The following SRGAP2C variants were observed in gnomAD, a reference collection of about 807,000 sequenced individuals.
The protein encoded by SRGAP2C is SLIT-ROBO Rho GTPase activating protein 2C, also known as SLIT-ROBO Rho GTPase-activating protein 2C.
A neutral mutation model predicts 25.1 loss-of-function variants in SRGAP2C; 15 were observed. The ratio of observed to expected loss-of-function variants is 0.60; its 90% confidence interval spans 0.40 to 0.92. SRGAP2C has a LOEUF of 0.92. Ranked by LOEUF, SRGAP2C falls within the 40% of genes least tolerant of loss-of-function variation. SRGAP2C has a pLI of 0.00. For synonymous variants in SRGAP2C, 44 were observed against 96.6 expected, an observed-to-expected ratio of 0.46 and a Z score of 3.19; for missense variants, 144 against 264.4, an observed-to-expected ratio of 0.54 and a Z score of 3.16.
rs1162529225 is a variant in SRGAP2C at position 121,230,920 on chromosome 1, C to G, written c.67+43407C>G. Among the ~76,000 whole-genome samples, 11 of 148,324 alleles carry G rather than the reference C, an allele frequency of 7.4e-5. No homozygotes were observed. The East Asian group carries it at 1.4e-3, about 19-fold the overall frequency. ...TGAAGCTGGAAACCATTATTCTCAG[C>G]AAACTAACACAGGAACAGAAAACCA... On this transcript the variant is annotated intron_variant, in intron 2 of 9. Transcript: ENST00000367123.
chr1:121,298,495 G>T (rs1487645540), intron 3 of SRGAP2C, among the ~76,000 whole-genome samples: 1 of 91,700 alleles, frequency 1.1e-5, no homozygotes, highest in Non-Finnish European at 2.1e-5. Flanking sequence ...AACAGTATGT[G>T]GTTTACTGGG....
intron 2 of SRGAP2C, among the ~76,000 whole-genome samples, chr1:121,272,372 G>A (rs1290506744): frequency 7.3e-5 from 11 of 151,596 alleles, no homozygotes; most frequent in African/African-American, 2.7e-4. Flanking sequence ...GGTGGAGCTG[G>A]CATTTTGAGC....
At chr1:121,191,916 A>G (rs1377004465) in intron 2 of SRGAP2C, among the ~76,000 whole-genome samples, 4 of 134,744 alleles carry the variant, frequency 3.0e-5, no homozygotes, top group Non-Finnish European at 1.5e-5. Flanking sequence ...TTTTTTTTTA[A>G]TGTCTTAAGA....
At chr1:121,237,589 GA>G (rs1570727947) in intron 2 of SRGAP2C, among the ~76,000 whole-genome samples, 1 of 151,706 alleles carries the variant, frequency 6.6e-6, no homozygotes, top group East Asian at 2.0e-4. Context: ...TCCAACACCA[GA>G]AGCTTTTAGA....
intron 3 of SRGAP2C, among the ~76,000 whole-genome samples, chr1:121,322,927 A>C (rs1242462689): frequency 1.3e-5 from 2 of 152,108 alleles, no homozygotes; most frequent in African/African-American, 4.8e-5. Flanking sequence ...CGGGGAAGAG[A>C]GGAAAGGGGG....
rs1262247275 is a variant in SRGAP2C, at chr1:121,288,729, A to G, written c.260+3734A>G. Among the ~76,000 whole-genome samples the G allele has an allele frequency of 8.5e-4, 41 of 48,464 alleles. 2 individuals are homozygous for G. The highest frequency in any genetic ancestry group is 2.0e-3 in the African/African-American group (25 of 12,654). The allele number at this position is 48,464 out of a possible 152,430, so 31.8% of individuals were successfully genotyped here. On this transcript the variant is annotated intron_variant, in intron 3 of 9. Transcript: ENST00000367123. ...TGAGCTAGACATAAAGGTTCTCCAC[A>G]TCCTCACCAGAGCAGCTAGATACAG...
At chr1:121,269,882 A>T (rs1448182138) in intron 2 of SRGAP2C, among the ~76,000 whole-genome samples, 4 of 150,432 alleles carry the variant, frequency 2.7e-5, no homozygotes, top group Non-Finnish European at 5.9e-5. Context: ...TGGAAGAATT[A>T]GGTAATTCGT....
chr1:121,190,160 A>G (rs1553319554), intron 2 of SRGAP2C, among the ~76,000 whole-genome samples: 1 of 152,178 alleles, frequency 6.6e-6, no homozygotes, highest in African/African-American at 2.4e-5. Flanking sequence ...TCTGCCTCCC[A>G]CTAGCTAGAA....
chr1:121,192,058 G>T (rs1654697110), intron 2 of SRGAP2C, among the ~76,000 whole-genome samples: 1 of 151,906 alleles, frequency 6.6e-6, no homozygotes, highest in Non-Finnish European at 1.5e-5. Context: ...AGCAGGAGAT[G>T]AAATTTAAAA....
chr1:121,299,818 G>T (rs1379316975), intron 3 of SRGAP2C, among the ~76,000 whole-genome samples: 3 of 144,674 alleles, frequency 2.1e-5, no homozygotes, highest in Non-Finnish European at 3.0e-5. Flanking sequence ...TTTATAGGCA[G>T]CATCTCAGGG....
chr1:121,375,277 T>C (rs1659613247), intron 7 of SRGAP2C, among the ~76,000 whole-genome samples: 1 of 135,322 alleles, frequency 7.4e-6, no homozygotes, highest in African/African-American at 2.8e-5. Context: ...CCCAGGCTCA[T>C]AACCACTACA....
rs1372875320 is a variant in SRGAP2C at position 121,286,362 on chromosome 1, T to C, written c.260+1367T>C. On this transcript the variant is annotated intron_variant, in intron 3 of 9. Transcript: ENST00000367123. ...CTTGGGCTCTAGTGATCCTCCTGCC[T>C]CAGCCTACCTCCTGAGTAGCTGGGA... Among the ~76,000 whole-genome samples the C allele has an allele frequency of 2.9e-3, 433 of 149,234 alleles. 1 individual carries two copies. Among genetic ancestry groups the C allele is most frequent in the African/African-American group, 0.01 (418 of 40,378 alleles).
At chr1:121,216,365 T>A (rs1465368942) in intron 2 of SRGAP2C, among the ~76,000 whole-genome samples, 6 of 152,166 alleles carry the variant, frequency 3.9e-5, no homozygotes, top group Admixed American at 2.6e-4. Flanking sequence ...TTATTCGTTT[T>A]TGTGCCCCAA....
chr1:121,348,640 C>A (rs1553344782), intron 4 of SRGAP2C, among the ~76,000 whole-genome samples: 1 of 149,930 alleles, frequency 6.7e-6, no homozygotes, highest in Non-Finnish European at 1.5e-5. Context: ...TTCCCCCTGT[C>A]TTTGCTCTGT....
chr1:121,271,660 TA>T (rs1295323278), intron 2 of SRGAP2C, among the ~76,000 whole-genome samples: 21 of 95,024 alleles, frequency 2.2e-4, no homozygotes, highest in African/African-American at 8.7e-4. Flanking sequence ...AACCAGCATT[TA>T]AAAAGTTATA....
At chr1:121,310,322 T>G (rs1167683742) in intron 3 of SRGAP2C, among the ~76,000 whole-genome samples, 2 of 102,800 alleles carry the variant, frequency 1.9e-5, no homozygotes, top group African/African-American at 8.6e-5. Context: ...TTCTGGATAT[T>G]AGCCCTTTGT....
rs1478045136 is a variant in SRGAP2C at position 121,389,297 on chromosome 1, CATT to C, written c.*1444_*1446del. Reference sequence around the variant, plus strand: ...GCTAAAAATTTATCTTCACCATCATCATTAATTTATTTATTAATCATTATTAAA... The same window carrying C: ...GCTAAAAATTTATCTTCACCATCATCAATTTATTTATTAATCATTATTAAA... On this transcript the variant is annotated 3_prime_UTR_variant, in exon 10 of 10. Transcript: ENST00000367123. 58 of 141,970 alleles carry C rather than the reference CATT, an allele frequency of 4.1e-4. No homozygotes were observed. The highest frequency in any genetic ancestry group is 1.3e-3 in the African/African-American group (51 of 38,420). 8.8% of individuals were successfully genotyped at this position (141,970 alleles called of 1,614,324 possible).
In SRGAP2C at chr1:121,221,513, A is replaced by G. The variant is rs1193537776; in HGVS notation, c.67+34000A>G. On this transcript the variant is annotated intron_variant, in intron 2 of 9. Coordinates refer to ENST00000367123, the MANE Select transcript of SRGAP2C (RefSeq NM_001329984.2). The stretch of plus-strand genomic sequence containing the variant: ...ATCACGAGATCAGGAGTTCGAGACC[A>G]GCCTGACTAACATAGTGAAACCTCG... 2.3e-4 allele frequency among the ~76,000 whole-genome samples: 17 copies of G among 75,186 alleles called. 5 individuals are homozygous for G. Among genetic ancestry groups the G allele is most frequent in the African/African-American group, 1.2e-3 (17 of 14,774 alleles). The allele number at this position is 75,186 out of a possible 152,430, so 49.3% of individuals were successfully genotyped here.
intron 2 of SRGAP2C, among the ~76,000 whole-genome samples, chr1:121,275,667 C>T (rs1383924857): frequency 2.0e-5 from 3 of 151,228 alleles, no homozygotes; most frequent in Non-Finnish European, 4.4e-5. Flanking sequence ...CTCTCATTGG[C>T]TTTATGAGAT....
Sources: gnomAD v4.1 joint callset for allele counts (sites outside exome capture counted in the v4.1 genomes callset) on GRCh38, gnomAD v4.1.1 for gene constraint, MANE v1.5 for transcripts, NCBI Gene and HGNC (gene_info 2026-07-23, HGNC 2026-07-21) for gene names.